The following FAM13C variants were observed in gnomAD, a reference collection of about 807,000 sequenced individuals.
FAM13C encodes family with sequence similarity 13 member C, also known as protein FAM13C.
Under a neutral mutation model 73.2 loss-of-function variants are expected in FAM13C, and 37 were observed. The ratio of observed to expected loss-of-function variants is 0.51; its 90% CI spans 0.39 to 0.67. The LOEUF is 0.67. Among genes scored for constraint, FAM13C ranks in the 30% least tolerant of loss-of-function variants. The pLI is 0.00. For missense variants in FAM13C, 589 were observed against 715.6 expected (o/e 0.82, Z 2.02); for synonymous variants, 246 against 260.9 (o/e 0.94, Z 0.55).
chr10:59,262,068 A>G (rs573558670), intron 10 of FAM13C, among the ~76,000 whole-genome samples: 3 of 152,194 alleles, frequency 2.0e-5, no homozygotes, highest in Admixed American at 1.3e-4. Flanking sequence ...TTAATAAGAC[A>G]TAAGGAAAGG....
At chr10:59,286,560 G>A (rs1379034668) in intron 5 of FAM13C, among the ~76,000 whole-genome samples, 1 of 129,238 alleles carries the variant, frequency 7.7e-6, no homozygotes, top group Admixed American at 7.8e-5. Context: ...ACAGAAAGTA[G>A]AATGGTGGTT....
At chr10:59,317,770 T>C (rs1417288160) in intron 4 of FAM13C, among the ~76,000 whole-genome samples, 10 of 152,012 alleles carry the variant, frequency 6.6e-5, no homozygotes, top group Admixed American at 6.6e-4. Context: ...ATACTTTAAG[T>C]TTTAGGGTAC....
Position 59,252,971 on chromosome 10 carries a change from G to C in FAM13C, c.1360C>G (p.Arg454Gly), listed in dbSNP as rs147832265. ...GAAGGTTGTTGGCTTCCCTGTGGACGGTCTTCATCAGAGTCCTCTTCCTCC... is the reference window on the plus strand; with the variant it reads ...GAAGGTTGTTGGCTTCCCTGTGGACCGTCTTCATCAGAGTCCTCTTCCTCC... The part of the protein sequence containing the change: ...IQEEEDSDED[R>G]PQGSQQPSLA... Residue 454 changes from arginine (R) to glycine (G), a missense_variant, in exon 12 of 14, where the codon CGT becomes GGT. Coordinates refer to ENST00000618804, the MANE Select transcript of FAM13C (RefSeq NM_198215.4). 1 of 1,613,764 alleles carries C rather than the reference G, an allele frequency of 6.2e-7. No homozygotes were observed. The highest frequency in any genetic ancestry group is 1.7e-5 in the Admixed American group (1 of 60,006).
chr10:59,326,204 A>C (rs895671147), intron 3 of FAM13C, among the ~76,000 whole-genome samples: 1 of 152,168 alleles, frequency 6.6e-6, no homozygotes, highest in Non-Finnish European at 1.5e-5. Flanking sequence ...TGCTTAGATC[A>C]GAGATCTCAA....
At chr10:59,299,511 C>CT (rs58591438) in intron 5 of FAM13C, among the ~76,000 whole-genome samples, 5,455 of 136,962 alleles carry the variant, frequency 0.04, 128 homozygotes, top group Non-Finnish European at 0.045. Flanking sequence ...CCCAATATGG[C>CT]TTTTTTTTTT....
At chr10:59,295,732 A>C (rs1319841513) in intron 5 of FAM13C, among the ~76,000 whole-genome samples, 1 of 152,174 alleles carries the variant, frequency 6.6e-6, no homozygotes, top group Non-Finnish European at 1.5e-5. Context: ...ACTAATATAC[A>C]CTGGAATTAC....
intron 4 of FAM13C, among the ~76,000 whole-genome samples, chr10:59,317,571 A>G (rs2133977798): frequency 6.6e-6 from 1 of 152,272 alleles, no homozygotes; most frequent in East Asian, 1.9e-4. Context: ...TGTTCAATTT[A>G]GCCATAAATG....
At chr10:59,357,485 T>C (rs980830078) in intron 1 of FAM13C, among the ~76,000 whole-genome samples, 3 of 152,358 alleles carry the variant, frequency 2.0e-5, no homozygotes, top group African/African-American at 7.2e-5. Flanking sequence ...TTAACTTTGT[T>C]CCCTAAGAGG....
At position 59,247,349 on chromosome 10, in the gene FAM13C, A is replaced by G. The variant is rs1336020740; in HGVS notation, c.*265T>C. On this transcript the variant is annotated 3_prime_UTR_variant, in exon 14 of 14. Transcript: ENST00000618804. ...TAAAATATTAGACATTTTTAAAAAT[A>G]CTTGTATTGACTATGAGTTTTCTGC... The G allele has an allele frequency of 2.5e-6, 1 of 404,766 alleles. No individual in the cohort carries two copies. The highest frequency in any genetic ancestry group is 5.4e-5 in the East Asian group (1 of 18,410). 25.1% of individuals were successfully genotyped at this position (404,766 alleles called of 1,614,324 possible). A position where few individuals can be genotyped will look rare whatever the true frequency, so the allele number is the denominator to read the frequency against.
intron 8 of FAM13C, among the ~76,000 whole-genome samples, chr10:59,266,428 T>C (rs1439725855): frequency 6.6e-6 from 1 of 152,130 alleles, no homozygotes; most frequent in African/African-American, 2.4e-5. Context: ...ATGGGTGGTA[T>C]GAATTCCACA....
intron 6 of FAM13C, among the ~76,000 whole-genome samples, chr10:59,278,146 A>G (rs919598087): frequency 2.0e-5 from 3 of 152,124 alleles, no homozygotes; most frequent in African/African-American, 7.2e-5. Flanking sequence ...TGACTTATTC[A>G]CTATCACGAG....
chr10:59,325,715 C>A (rs973766371), intron 3 of FAM13C, among the ~76,000 whole-genome samples: 5 of 152,066 alleles, frequency 3.3e-5, no homozygotes, highest in African/African-American at 1.2e-4. Context: ...CAAGTGCCTG[C>A]CAATTGGAGG....
chr10:59,339,663 C>T (rs568844281), intron 3 of FAM13C, among the ~76,000 whole-genome samples: 2 of 152,278 alleles, frequency 1.3e-5, no homozygotes, highest in South Asian at 4.1e-4. Flanking sequence ...CCCAGCATCA[C>T]TGATGAAACA....
intron 3 of FAM13C, among the ~76,000 whole-genome samples, chr10:59,325,014 A>T (rs1195273850): frequency 6.6e-6 from 1 of 152,232 alleles, no homozygotes; most frequent in Non-Finnish European, 1.5e-5. Flanking sequence ...AGCCATGTCA[A>T]ACCTCTAATT....
At position 59,247,381 on chromosome 10, in the gene FAM13C, T is replaced by C; in HGVS notation, c.*233A>G. ...TTGACTATGAGTTTTCTGCTTGGCATGGAGGACACTGAATTTTTTCCCAAT... is the reference window on the plus strand; with the variant it reads ...TTGACTATGAGTTTTCTGCTTGGCACGGAGGACACTGAATTTTTTCCCAAT... On this transcript the variant is annotated 3_prime_UTR_variant, in exon 14 of 14. Coordinates refer to ENST00000618804, the MANE Select transcript of FAM13C (RefSeq NM_198215.4). 1 of 506,466 alleles carries C rather than the reference T, an allele frequency of 2.0e-6. No homozygotes were observed. The allele number at this position is 506,466 out of a possible 1,614,324, so 31.4% of individuals were successfully genotyped here. A position where few individuals can be genotyped will look rare whatever the true frequency, so the allele number is the denominator to read the frequency against.
intron 4 of FAM13C, among the ~76,000 whole-genome samples, chr10:59,304,051 G>A (rs1847923867): frequency 6.6e-6 from 1 of 152,132 alleles, no homozygotes; most frequent in South Asian, 2.1e-4. Flanking sequence ...GGGAGGCTGA[G>A]GCACGAGAAT....
chr10:59,303,920 C>T (rs900432414), intron 4 of FAM13C, among the ~76,000 whole-genome samples: 2 of 152,112 alleles, frequency 1.3e-5, no homozygotes, highest in Admixed American at 1.3e-4. Context: ...GAGGCTGAGG[C>T]ATGCAGGTCA....
chr10:59,344,054 C>T (rs1853901489), intron 3 of FAM13C, among the ~76,000 whole-genome samples: 1 of 150,400 alleles, frequency 6.6e-6, no homozygotes, highest in Non-Finnish European at 1.5e-5. Flanking sequence ...CTCTGCCTCC[C>T]GGGTTCCCGC....
chr10:59,342,426 G>A (rs1360698908), intron 3 of FAM13C, among the ~76,000 whole-genome samples: 1 of 152,078 alleles, frequency 6.6e-6, no homozygotes, highest in Non-Finnish European at 1.5e-5. Context: ...TACCTTGGGA[G>A]GAGAAGGTGC....
Sources: gnomAD v4.1 joint callset for allele counts (sites outside exome capture counted in the v4.1 genomes callset) on GRCh38, gnomAD v4.1.1 for gene constraint, MANE v1.5 for transcripts, NCBI Gene and HGNC (gene_info 2026-07-23, HGNC 2026-07-21) for gene names.